The following SORL1 variants were observed in gnomAD, a reference collection of about 807,000 sequenced individuals.
SORL1 encodes the protein sortilin-related receptor.
SORL1 carries 127 observed loss-of-function variants against 273.7 expected under a neutral mutation model. The ratio of observed to expected loss-of-function variants is 0.46; its 90% confidence interval spans 0.40 to 0.54. The LOEUF (loss-of-function observed/expected upper bound fraction) is 0.54, where lower values mean the gene tolerates loss of function less well. SORL1 is among the 20% of genes least tolerant of loss of function. SORL1 has a pLI of 0.00. For synonymous variants in SORL1, 1,031 were observed against 1,067.4 expected (o/e 0.97, Z 0.66); for missense variants, 2,494 against 2,846.1 (o/e 0.88, Z 2.81).
intron 35 of SORL1, among the ~76,000 whole-genome samples, chr11:121,606,295 A>T (rs1354022954): frequency 6.6e-6 from 1 of 152,104 alleles, no homozygotes; most frequent in Admixed American, 6.5e-5. Flanking sequence ...CCCTACTTCA[A>T]AGTAGTTGAC....
chr11:121,558,551 A>G (rs761847334), intron 19 of SORL1, 40 bp from the exon 20 acceptor site: 32 of 1,607,986 alleles, frequency 2.0e-5, no homozygotes, highest in Non-Finnish European at 2.6e-5. Flanking sequence ...CCATTTCTCT[A>G]GTATTGATGA....
rs925676075 is a variant in SORL1, at chr11:121,550,773, A to G, written c.2266+103A>G. ...TTGTGGCTCCTTTAATTGAGTGGAG[A>G]AAAACAATGGCCGTCACAAGCATCA... is the stretch of plus-strand genomic sequence containing the variant. On this transcript the variant is annotated intron_variant, in intron 16 of 47. Transcript: ENST00000260197. The surrounding 1 kb of genome is among the most constrained non-coding windows in gnomAD (Gnocchi z 5.3). The G allele has an allele frequency of 7.1e-6, 6 of 841,144 alleles. No individual in the cohort carries two copies. The African/African-American group carries it at 1.0e-4, about 14-fold the overall frequency. 52.1% of individuals were successfully genotyped at this position (841,144 alleles called of 1,614,324 possible). A position where few individuals can be genotyped will look rare whatever the true frequency, so the allele number is the denominator to read the frequency against.
intron 13 of SORL1, among the ~76,000 whole-genome samples, chr11:121,544,461 T>C (rs926210450): frequency 3.9e-5 from 6 of 152,226 alleles, no homozygotes; most frequent in Non-Finnish European, 2.9e-5. Context: ...ATTGACTAGA[T>C]TATAAAGCCC....
At chr11:121,496,056 G>A (rs1280870458) in intron 5 of SORL1, among the ~76,000 whole-genome samples, 3 of 152,224 alleles carry the variant, frequency 2.0e-5, no homozygotes, top group Non-Finnish European at 4.4e-5. Context: ...TCAAACTCAT[G>A]TAAAAGGCTT....
At chr11:121,591,406 C>T (rs1245692733) in intron 31 of SORL1, among the ~76,000 whole-genome samples, 1 of 152,222 alleles carries the variant, frequency 6.6e-6, no homozygotes, top group Non-Finnish European at 1.5e-5. Flanking sequence ...CTCTGACCTT[C>T]CTGCAAGATG....
At chr11:121,508,216 C>T (rs1861817938) in intron 6 of SORL1, among the ~76,000 whole-genome samples, 1 of 152,168 alleles carries the variant, frequency 6.6e-6, no homozygotes, top group Admixed American at 6.5e-5. Flanking sequence ...TTATGTAGAG[C>T]TTCAAGATTA....
intron 1 of SORL1, among the ~76,000 whole-genome samples, chr11:121,460,509 C>T (rs972684427): frequency 5.3e-5 from 8 of 150,616 alleles, no homozygotes; most frequent in Non-Finnish European, 8.8e-5. Flanking sequence ...GATTCTTGTG[C>T]CTCAGCCTCC....
chr11:121,513,131 A>G, intron 7 of SORL1, 27 bp downstream of exon 7: 1 of 1,486,750 alleles, frequency 6.7e-7, no homozygotes, highest in Non-Finnish European at 9.4e-7. Context: ...TGAGGATGGG[A>G]AGAAGTATCA....
At chr11:121,508,700 G>A (rs998415756) in intron 6 of SORL1, among the ~76,000 whole-genome samples, 1 of 152,180 alleles carries the variant, frequency 6.6e-6, no homozygotes, top group East Asian at 1.9e-4. Context: ...AGAGAGAGGG[G>A]GATGGGATTA....
intron 24 of SORL1, among the ~76,000 whole-genome samples, chr11:121,574,793 C>T (rs1422712208): frequency 6.6e-6 from 1 of 152,040 alleles, no homozygotes; most frequent in Non-Finnish European, 1.5e-5. Flanking sequence ...CCTGCTTTGC[C>T]TTGGAGAGAT....
intron 31 of SORL1, among the ~76,000 whole-genome samples, chr11:121,592,159 G>A (rs1304074059): frequency 6.6e-6 from 1 of 152,182 alleles, no homozygotes; most frequent in Non-Finnish European, 1.5e-5. Context: ...TGCACCTGCA[G>A]CAAGGTTTTG....
intron 5 of SORL1, among the ~76,000 whole-genome samples, chr11:121,493,079 A>G (rs988566251): frequency 6.6e-6 from 1 of 152,116 alleles, no homozygotes; most frequent in African/African-American, 2.4e-5. Context: ...CTTGGGCTCA[A>G]GTGATCCTCC....
rs184047081 is a variant in SORL1, at chr11:121,555,871, T to G, written c.2571+553T>G. On this transcript the variant is annotated intron_variant, in intron 18 of 47. Transcript: ENST00000260197. The stretch of plus-strand genomic sequence containing the variant: ...GAGTGACCTCTAAACTGCCAAATCT[T>G]TGTCTGGGGGAATGTAGTGTGCTCA... 3.2e-3 allele frequency among the ~76,000 whole-genome samples: 481 copies of G among 152,258 alleles called. 2 individuals carry two copies. Among genetic ancestry groups the G allele is most frequent in the Middle Eastern group, 0.01 (3 of 294 alleles).
At chr11:121,603,995 C>T (rs1243336439) in intron 32 of SORL1, among the ~76,000 whole-genome samples, 198 bp from the exon 33 acceptor site, 6 of 152,226 alleles carry the variant, frequency 3.9e-5, no homozygotes, top group African/African-American at 7.2e-5. Flanking sequence ...TCACTCTTCC[C>T]GAATGCAGAT....
chr11:121,480,731 G>A (rs556010946), intron 3 of SORL1, among the ~76,000 whole-genome samples: 16 of 139,192 alleles, frequency 1.1e-4, no homozygotes, highest in Middle Eastern at 4.1e-3. Flanking sequence ...CTCCCCTAGT[G>A]CACAGATACC....
chr11:121,604,254 C>G lies in SORL1; in HGVS notation c.4581C>G (p.Cys1527Trp). Residue 1527 changes from cysteine (C) to tryptophan (W), a missense_variant, in exon 33 of 48, where the codon TGC becomes TGG. This residue lies in a region of SORL1 where 1,609 missense variants were observed against 1,816.4 expected (regional missense o/e 0.89). Coordinates refer to ENST00000260197, the MANE Select transcript of SORL1 (RefSeq NM_003105.6). Reference protein sequence around the residue: ...REFQCEDGEACIVLSERCDGF... With the variant: ...REFQCEDGEAWIVLSERCDGF... ...TCCAGTGCGAGGACGGGGAGGCCTG[C>G]ATTGTGCTCTCGGAGCGCTGCGACG... 1 of 1,614,110 alleles carries G rather than the reference C, an allele frequency of 6.2e-7. No homozygotes were observed. The highest frequency in any genetic ancestry group is 8.5e-7 in the Non-Finnish European group (1 of 1,180,004).
intron 21 of SORL1, among the ~76,000 whole-genome samples, chr11:121,561,709 G>C (rs1436874503): frequency 6.8e-6 from 1 of 146,354 alleles, no homozygotes; most frequent in Non-Finnish European, 1.5e-5. Flanking sequence ...AAAAAAAAAG[G>C]CTGGGGGAGA....
intron 16 of SORL1, among the ~76,000 whole-genome samples, chr11:121,552,086 G>A (rs1054430948): frequency 6.6e-6 from 1 of 152,112 alleles, no homozygotes; most frequent in East Asian, 1.9e-4. Context: ...AACAGGGAAC[G>A]AAGTGGAGAA....
At chr11:121,616,764 A>G (rs1426665830) in intron 41 of SORL1, among the ~76,000 whole-genome samples, 1 of 152,202 alleles carries the variant, frequency 6.6e-6, no homozygotes, top group Non-Finnish European at 1.5e-5. Context: ...ACTCTGTAAA[A>G]TATATGAAAA....
Sources: allele counts gnomAD v4.1 joint callset (sites outside exome capture counted in the v4.1 genomes callset), GRCh38; gene constraint gnomAD v4.1.1; regional missense constraint gnomAD v4.1.1; non-coding constraint Gnocchi (gnomAD v3.1); transcripts MANE v1.5; gene names NCBI Gene and HGNC (gene_info 2026-07-23, HGNC 2026-07-21).